Variants in C1GALT1 observed in about 807,000 individuals in gnomAD.
C1GALT1 encodes the protein core 1 synthase, glycoprotein-N-acetylgalactosamine 3-beta-galactosyltransferase 1.
Under a neutral mutation model 31.0 loss-of-function variants are expected in C1GALT1, and 11 were observed. The observed-to-expected ratio is 0.36, with a 90% CI of 0.22 to 0.59. The LOEUF (loss-of-function observed/expected upper bound fraction) is 0.59, where lower values mean the gene tolerates loss of function less well. Among genes scored for constraint, C1GALT1 ranks in the 20% least tolerant of loss-of-function variants. The pLI, the probability that C1GALT1 is intolerant of heterozygous loss-of-function variation, is 0.79. For missense variants in C1GALT1, 424 were observed against 425.2 expected (o/e 1.00, Z 0.03); for synonymous variants, 175 against 143.6 (o/e 1.22, Z -1.56).
At chr7:7,163,842 C>T in intron 2 of C1GALT1, among the ~76,000 whole-genome samples, 1 of 151,854 alleles carries the variant, frequency 6.6e-6, no homozygotes, top group East Asian at 1.9e-4. Context: ...GAAGAACATT[C>T]CATGCTCATG....
chr7:7,206,926 T>G lies in C1GALT1; in HGVS notation c.-18+24106T>G, dbSNP rs141263544. 7.5e-4 allele frequency among the ~76,000 whole-genome samples: 114 copies of G among 152,340 alleles called. 1 individual carries two copies. Among genetic ancestry groups the G allele is most frequent in the African/African-American group, 2.4e-3 (101 of 41,580 alleles). ...TCTTAGTGGTTTCATTATAATATAT[T>G]TTGCTGTGAGTCTCCTTGAAGTCAT... is the stretch of plus-strand genomic sequence containing the variant. On this transcript the variant is annotated intron_variant, in intron 1 of 3. Coordinates refer to ENST00000436587, the MANE Select transcript of C1GALT1 (RefSeq NM_020156.5).
At chr7:7,242,416 ACAG>A (rs1431802802) in intron 3 of C1GALT1, among the ~76,000 whole-genome samples, 1 of 152,086 alleles carries the variant, frequency 6.6e-6, no homozygotes, top group Non-Finnish European at 1.5e-5. Context: ...TTTAGAGATA[ACAG>A]CAGAGAAAAC....
Position 7,238,144 on chromosome 7 carries a change from G to T in C1GALT1, c.221-111G>T. On this transcript the variant is annotated intron_variant, in intron 2 of 3. Coordinates refer to ENST00000436587, the MANE Select transcript of C1GALT1 (RefSeq NM_020156.5). The surrounding 1 kb of genome is among the most constrained non-coding windows in gnomAD (Gnocchi z 5.2). ...CTTTCCTTTGGCTAAATCACTAATA[G>T]AGGGATAAATAGGGACTTTGAAATT... is the stretch of plus-strand genomic sequence containing the variant. 1 of 1,046,178 alleles carries T rather than the reference G, an allele frequency of 9.6e-7. No individual in the cohort carries two copies. The highest frequency in any genetic ancestry group is 1.8e-5 in the South Asian group (1 of 56,964). 64.8% of individuals were successfully genotyped at this position (1,046,178 alleles called of 1,614,324 possible). A position where few individuals can be genotyped will look rare whatever the true frequency, so the allele number is the denominator to read the frequency against.
chr7:7,192,910 G>T (rs114976664), intron 1 of C1GALT1, among the ~76,000 whole-genome samples: 2,354 of 152,172 alleles, frequency 0.015, 62 homozygotes, highest in African/African-American at 0.054. Flanking sequence ...AATTAGTTGT[G>T]TTGAACATGT....
At chr7:7,205,489 G>A (rs775342247) in intron 1 of C1GALT1, among the ~76,000 whole-genome samples, 8 of 152,058 alleles carry the variant, frequency 5.3e-5, no homozygotes, top group Admixed American at 1.3e-4. Context: ...CATTCTTGTC[G>A]TCTTCACATT....
At position 7,246,627 on chromosome 7, in the gene C1GALT1, G is replaced by A. The variant is rs5010184; in HGVS notation, c.*2900G>A. ...ACTTGTTGGAAATGCAGCCTCTCTC[G>A]GGGCCTCATCTCAGATCAGATCTAC... On this transcript the variant is annotated 3_prime_UTR_variant, in exon 4 of 4. Coordinates refer to ENST00000436587, the MANE Select transcript of C1GALT1 (RefSeq NM_020156.5). 0.18 allele frequency: 27,959 copies of A among 152,122 alleles called. 3,061 individuals are homozygous for A. The highest frequency in any genetic ancestry group is 0.54 in the East Asian group (2,805 of 5,168). The allele number at this position is 152,122 out of a possible 1,614,324, so 9.4% of individuals were successfully genotyped here.
At chr7:7,223,675 C>G (rs1460342878) in intron 1 of C1GALT1, among the ~76,000 whole-genome samples, 1 of 152,120 alleles carries the variant, frequency 6.6e-6, no homozygotes, top group Non-Finnish European at 1.5e-5. Flanking sequence ...AGATTTCCTT[C>G]ACAGTCACAT....
rs540676320 is a variant in C1GALT1 at position 7,244,176 on chromosome 7, T to G, written c.*449T>G. On this transcript the variant is annotated 3_prime_UTR_variant, in exon 4 of 4. Coordinates refer to ENST00000436587, the MANE Select transcript of C1GALT1 (RefSeq NM_020156.5). ...TGTTAATATAGCTCAAGAATTGAGT[T>G]TATATTTGCAGTATGCTATAAATGA... is the stretch of plus-strand genomic sequence containing the variant. The G allele has an allele frequency of 6.5e-6, 1 of 152,786 alleles. No homozygotes were observed. The highest frequency in any genetic ancestry group is 1.5e-5 in the Non-Finnish European group (1 of 68,206). The allele number at this position is 152,786 out of a possible 1,614,324, so 9.5% of individuals were successfully genotyped here. A position where few individuals can be genotyped will look rare whatever the true frequency, so the allele number is the denominator to read the frequency against.
intron 2 of C1GALT1, among the ~76,000 whole-genome samples, chr7:7,169,569 A>G (rs115624312): frequency 0.024 from 3,662 of 151,600 alleles, 130 homozygotes; most frequent in African/African-American, 0.084. Flanking sequence ...TCTTACAGCT[A>G]TCCTAGTAAG....
intron 1 of C1GALT1, among the ~76,000 whole-genome samples, chr7:7,222,853 T>C (rs2128243169): frequency 6.6e-6 from 1 of 152,296 alleles, no homozygotes; most frequent in Non-Finnish European, 1.5e-5. Flanking sequence ...ATAAAGTAAA[T>C]ATGCCAAATT....
At chr7:7,241,107 A>ATC (rs1783607129) in intron 3 of C1GALT1, among the ~76,000 whole-genome samples, 1 of 18,180 alleles carries the variant, frequency 5.5e-5, no homozygotes, top group Non-Finnish European at 1.2e-4. Flanking sequence ...GTTTACATAT[A>ATC]TATCTCTCTA....
chr7:7,239,247 T>C (rs1334043516), intron 3 of C1GALT1, among the ~76,000 whole-genome samples: 3 of 152,136 alleles, frequency 2.0e-5, no homozygotes, highest in Non-Finnish European at 4.4e-5. Context: ...AAATATAAAA[T>C]AGGATTTTAG....
At chr7:7,225,772 T>C (rs1243925919) in intron 1 of C1GALT1, among the ~76,000 whole-genome samples, 1 of 152,192 alleles carries the variant, frequency 6.6e-6, no homozygotes. Flanking sequence ...CCGTGGACTT[T>C]TCAATATCTT....
At chr7:7,212,127 C>T (rs2128239222) in intron 1 of C1GALT1, among the ~76,000 whole-genome samples, 1 of 152,258 alleles carries the variant, frequency 6.6e-6, no homozygotes, top group East Asian at 1.9e-4. Flanking sequence ...ACCTTTAAAG[C>T]CTAGGCCAGC....
rs944219182 is a variant in C1GALT1 at position 7,244,467 on chromosome 7, C to T, written c.*740C>T. 1 of 152,130 alleles carries T rather than the reference C, an allele frequency of 6.6e-6. No individual in the cohort carries two copies. The highest frequency in any genetic ancestry group is 1.5e-5 in the Non-Finnish European group (1 of 67,992). 9.4% of individuals were successfully genotyped at this position (152,130 alleles called of 1,614,324 possible). A position where few individuals can be genotyped will look rare whatever the true frequency, so the allele number is the denominator to read the frequency against. ...CTTGAATACCATTCTCCACTATTAA[C>T]ATTAATTTACTCAAACCGTTCATAG... On this transcript the variant is annotated 3_prime_UTR_variant, in exon 4 of 4. Coordinates refer to ENST00000436587, the MANE Select transcript of C1GALT1 (RefSeq NM_020156.5).
intron 1 of C1GALT1, among the ~76,000 whole-genome samples, chr7:7,184,101 C>A (rs908782790): frequency 2.6e-5 from 4 of 151,188 alleles, no homozygotes; most frequent in African/African-American, 9.9e-5. Context: ...AGCTTAATGC[C>A]CATGATGCTG....
intron 1 of C1GALT1, among the ~76,000 whole-genome samples, chr7:7,202,725 T>G (rs565019216): frequency 1.6e-4 from 24 of 152,336 alleles, no homozygotes; most frequent in African/African-American, 5.3e-4. Context: ...ATATTCCATA[T>G]GAATTTTAGA....
At chr7:7,200,595 C>T (rs190685993) in intron 1 of C1GALT1, among the ~76,000 whole-genome samples, 1 of 152,292 alleles carries the variant, frequency 6.6e-6, no homozygotes, top group East Asian at 1.9e-4. Flanking sequence ...GAGTGTTTTC[C>T]AGCTTGGTTC....
intron 1 of C1GALT1, among the ~76,000 whole-genome samples, chr7:7,233,471 C>G (rs1783185420): frequency 6.6e-6 from 1 of 152,154 alleles, no homozygotes; most frequent in Non-Finnish European, 1.5e-5. Context: ...TAATTTTTTA[C>G]CATGTTGTCC....
Sources: allele counts gnomAD v4.1 joint callset (sites outside exome capture counted in the v4.1 genomes callset), GRCh38; gene constraint gnomAD v4.1.1; non-coding constraint Gnocchi (gnomAD v3.1); transcripts MANE v1.5; gene names NCBI Gene and HGNC (gene_info 2026-07-23, HGNC 2026-07-21).